The following STAB2 variants were observed in gnomAD, a reference collection of about 807,000 sequenced individuals.
The protein encoded by STAB2 is stabilin-2.
STAB2 carries 288 observed loss-of-function variants against 338.1 expected under a neutral mutation model. The observed-to-expected ratio is 0.85, with a 90% CI of 0.77 to 0.94. The LOEUF is 0.94. Among genes scored for constraint, STAB2 ranks in the 40% least tolerant of loss-of-function variants. The pLI is 0.00. For synonymous variants in STAB2, 1,202 were observed against 1,193.3 expected (o/e 1.01, Z -0.15); for missense variants, 3,141 against 3,210.1 (o/e 0.98, Z 0.52).
chr12:103,686,959 T>G (rs1411933059), intron 27 of STAB2, among the ~76,000 whole-genome samples: 1 of 152,236 alleles, frequency 6.6e-6, no homozygotes. Context: ...AAGGGATTAC[T>G]CAGGCATCTC....
chr12:103,739,491 T>C (rs1466638221), intron 54 of STAB2, 23 bp downstream of exon 54: 5 of 1,564,656 alleles, frequency 3.2e-6, no homozygotes, highest in Non-Finnish European at 4.3e-6. Flanking sequence ...GCAGTGATAA[T>C]GTTTGGAGAG....
Position 103,677,461 on chromosome 12 carries a change from C to T in STAB2, c.2655C>T (p.Cys885=). The change falls in exon 25 of 69, where the codon TGC becomes TGT. Residue 885 remains cysteine, a synonymous_variant. Coordinates refer to ENST00000388887, the MANE Select transcript of STAB2 (RefSeq NM_017564.10). ...TPGGCSRNAE[C]IKTGTGTHTC... is the part of the protein sequence containing the mutation. ...TTCTTTTCCTCCTGCAGGCAGAATGCATCAAAACTGGCACGGGCACCCACA... is the reference window on the plus strand; with the variant it reads ...TTCTTTTCCTCCTGCAGGCAGAATGTATCAAAACTGGCACGGGCACCCACA... 1 of 1,610,456 alleles carries T rather than the reference C, an allele frequency of 6.2e-7. No individual in the cohort carries two copies. Among genetic ancestry groups the T allele is most frequent in the Non-Finnish European group, 8.5e-7 (1 of 1,176,926 alleles).
intron 3 of STAB2, among the ~76,000 whole-genome samples, chr12:103,598,396 TAGGAAAGTC>T (rs541316222): frequency 1.3e-5 from 2 of 152,146 alleles, no homozygotes; most frequent in Non-Finnish European, 2.9e-5. Flanking sequence ...CCTCCTGCAT[TAGGAAAGTC>T]AGGATGCAAG....
rs201406281 is a variant in STAB2 at position 103,706,810 on chromosome 12, G to A, written c.4015G>A (p.Gly1339Ser). The part of the protein sequence containing the change: ...RTVITRECCA[G>S]FFGPQCQPCP... ...GTTTCAGACGAGAGAATGCTGTGCC[G>A]GCTTCTTTGGCCCCCAATGCCAGCC... The change falls in exon 38 of 69, where the codon GGC (glycine) becomes AGC (serine). Residue 1339 changes from glycine to serine, a missense_variant. By Grantham distance (56) the Gly-to-Ser change is moderately conservative. Coordinates refer to ENST00000388887, the MANE Select transcript of STAB2 (RefSeq NM_017564.10). The A allele has an allele frequency of 5.9e-5, 95 of 1,614,214 alleles. No homozygotes were observed. In the Admixed American group the frequency reaches 1.1e-3, roughly 18 times the overall value.
In STAB2 at chr12:103,745,220, T is replaced by A. The variant is rs764859358; in HGVS notation, c.6079T>A (p.Ser2027Thr). Residue 2027 changes from serine to threonine, a missense_variant, in exon 57 of 69, where the codon TCC becomes ACC. Ser to Thr is a moderately conservative substitution (Grantham distance 58). Transcript: ENST00000388887. ...HGQCDDGITG[S>T]GQCLCETGWT... ...ACAGTGCGATGATGGCATCACGGGC[T>A]CCGGGCAGTGCCTCTGTGAAACGGG... 6.2e-7 allele frequency: 1 copy of A among 1,614,062 alleles called. No individual in the cohort carries two copies. Among genetic ancestry groups the A allele is most frequent in the South Asian group, 1.1e-5 (1 of 91,074 alleles).
At chr12:103,614,287 C>A (rs1401288800) in intron 3 of STAB2, among the ~76,000 whole-genome samples, 2 of 152,120 alleles carry the variant, frequency 1.3e-5, no homozygotes, top group African/African-American at 4.8e-5. Flanking sequence ...TGACAGAGGG[C>A]TGAAGGCATA....
chr12:103,677,657 G>A, intron 25 of STAB2, 46 bp downstream of exon 25: 5 of 1,581,974 alleles, frequency 3.2e-6, no homozygotes, highest in Non-Finnish European at 4.3e-6. Flanking sequence ...GAATCCTGCA[G>A]TGACTTTGCT....
At chr12:103,600,422 G>A (rs759062176) in intron 3 of STAB2, among the ~76,000 whole-genome samples, 5 of 152,206 alleles carry the variant, frequency 3.3e-5, no homozygotes, top group Non-Finnish European at 7.3e-5. Context: ...AACAACAGAT[G>A]TTTGTTGAAT....
At chr12:103,598,317 G>A (rs1307050655) in intron 3 of STAB2, among the ~76,000 whole-genome samples, 1 of 152,174 alleles carries the variant, frequency 6.6e-6, no homozygotes, top group African/African-American at 2.4e-5. Flanking sequence ...CTCTTGTGGG[G>A]CAGGAAGTGT....
chr12:103,734,016 ATGAT>A, intron 51 of STAB2, among the ~76,000 whole-genome samples: 1 of 151,442 alleles, frequency 6.6e-6, no homozygotes. Flanking sequence ...AGGAGCAAGC[ATGAT>A]CATATAGGAA....
intron 28 of STAB2, 116 bp from the exon 29 acceptor site, chr12:103,689,730 G>A (rs1877757585): frequency 5.4e-6 from 7 of 1,298,986 alleles, no homozygotes; most frequent in East Asian, 5.1e-5. Context: ...TGGGAAAGGA[G>A]ACCCTAGGAC....
intron 2 of STAB2, among the ~76,000 whole-genome samples, chr12:103,593,852 G>T (rs930255957): frequency 1.3e-5 from 2 of 152,194 alleles, no homozygotes; most frequent in African/African-American, 4.8e-5. Context: ...CTATATCTCA[G>T]CTGGCACTAG....
intron 5 of STAB2, among the ~76,000 whole-genome samples, chr12:103,628,466 A>T (rs1310177122): frequency 6.6e-6 from 1 of 152,246 alleles, no homozygotes; most frequent in African/African-American, 2.4e-5. Flanking sequence ...AAAGTACTGC[A>T]CACTGGGTGG....
chr12:103,660,279 G>C (rs1278490620), intron 15 of STAB2, 52 bp from the exon 16 acceptor site: 2 of 1,545,168 alleles, frequency 1.3e-6, no homozygotes, highest in Non-Finnish European at 1.8e-6. Flanking sequence ...CCACAAGAGT[G>C]GAAGTGTTGC....
chr12:103,690,546 C>A lies in STAB2; in HGVS notation c.3297+8C>A. On this transcript the variant is annotated splice_region_variant and intron_variant, in intron 30 of 68. Coordinates refer to ENST00000388887, the MANE Select transcript of STAB2 (RefSeq NM_017564.10). ...TTGGCAAAGGTGGATGGGGTAAGAG[C>A]TCTGGAATTTGTCTGTTTACTTGAA... is the stretch of plus-strand genomic sequence containing the variant. 1 of 1,607,582 alleles carries A rather than the reference C, an allele frequency of 6.2e-7. No individual in the cohort carries two copies. Among genetic ancestry groups the A allele is most frequent in the African/African-American group, 1.3e-5 (1 of 74,692 alleles).
chr12:103,675,910 G>T lies in STAB2; in HGVS notation c.2553-18G>T, dbSNP rs1260353780. 6.3e-7 allele frequency: 1 copy of T among 1,596,746 alleles called. No individual in the cohort carries two copies. The highest frequency in any genetic ancestry group is 1.3e-5 in the African/African-American group (1 of 74,108). ...TGGTGCTTATTCTGGGGCTGATATT[G>T]CACACTCTCCTTTGCAGTTGTATTT... On this transcript the variant is annotated intron_variant, in intron 23 of 68. Coordinates refer to ENST00000388887, the MANE Select transcript of STAB2 (RefSeq NM_017564.10).
chr12:103,677,503 G>A lies in STAB2; in HGVS notation c.2697G>A (p.Gln899=), dbSNP rs1467458036. The A allele has an allele frequency of 6.2e-7, 1 of 1,614,168 alleles. No individual in the cohort carries two copies. Among genetic ancestry groups the A allele is most frequent in the Non-Finnish European group, 8.5e-7 (1 of 1,179,992 alleles). ...GTGTHTCVCQ[Q]GWTGNGRDCS... is the part of the protein sequence containing the mutation. ...GCACCCACACCTGCGTGTGTCAGCA[G>A]GGTTGGACAGGGAATGGGAGAGACT... The change falls in exon 25 of 69, where the codon CAG becomes CAA. Residue 899 remains glutamine, a synonymous_variant. Transcript: ENST00000388887.
Position 103,683,101 on chromosome 12 carries a change from A to T in STAB2, c.2806-104A>T, listed in dbSNP as rs151126067. ...TTAACACTGTTCTCTGGGACAGCCA[A>T]GCAGCTTCAGTTTCCATAGTACGTT... On this transcript the variant is annotated intron_variant, in intron 25 of 68. Coordinates refer to ENST00000388887, the MANE Select transcript of STAB2 (RefSeq NM_017564.10). The T allele has an allele frequency of 5.4e-4, 512 of 945,374 alleles. 5 individuals carry two copies. In the African/African-American group the frequency reaches 7.0e-3, roughly 13 times the overall value. The allele number at this position is 945,374 out of a possible 1,614,324, so 58.6% of individuals were successfully genotyped here.
At chr12:103,650,383 G>A in intron 10 of STAB2, 113 bp from the exon 11 acceptor site, 1 of 754,472 alleles carries the variant, frequency 1.3e-6, no homozygotes, top group Non-Finnish European at 2.2e-6. Flanking sequence ...CATTAGAATA[G>A]AGAAGGGCAT....
Sources: allele counts gnomAD v4.1 joint callset (sites outside exome capture counted in the v4.1 genomes callset), GRCh38; gene constraint gnomAD v4.1.1; transcripts MANE v1.5; gene names NCBI Gene and HGNC (gene_info 2026-07-23, HGNC 2026-07-21).